Variants in FSTL5 observed in about 807,000 individuals in gnomAD.
FSTL5 encodes the protein follistatin-related protein 5.
Under a neutral mutation model 89.1 loss-of-function variants are expected in FSTL5, and 62 were observed. The observed-to-expected ratio is 0.70, with a 90% CI of 0.57 to 0.86. The LOEUF is 0.86. Ranked by LOEUF, FSTL5 falls within the 40% of genes least tolerant of loss-of-function variation. The pLI, the probability that FSTL5 is intolerant of heterozygous loss-of-function variation, is 0.00. For missense variants in FSTL5, 1,057 were observed against 1,001.6 expected (o/e 1.06, Z -0.75); for synonymous variants, 383 against 346.2 (o/e 1.11, Z -1.18).
chr4:161,489,952 C>T (rs900198216), intron 12 of FSTL5, among the ~76,000 whole-genome samples: 8 of 152,000 alleles, frequency 5.3e-5, no homozygotes, highest in Admixed American at 3.9e-4. Context: ...TTGTAGAATT[C>T]ATTTTCGCAG....
intron 15 of FSTL5, among the ~76,000 whole-genome samples, chr4:161,429,967 G>A (rs1237610870): frequency 6.6e-6 from 1 of 152,104 alleles, no homozygotes; most frequent in African/African-American, 2.4e-5. Context: ...GAGCTGTTTT[G>A]AGGAAACTGA....
chr4:161,946,895 C>A (rs1734750653), intron 3 of FSTL5, among the ~76,000 whole-genome samples: 1 of 152,098 alleles, frequency 6.6e-6, no homozygotes, highest in African/African-American at 2.4e-5. Flanking sequence ...GACTTGCCAT[C>A]TCTTTTGATT....
At chr4:162,002,605 T>C (rs144904952) in intron 3 of FSTL5, among the ~76,000 whole-genome samples, 355 of 152,350 alleles carry the variant, frequency 2.3e-3, no homozygotes, top group African/African-American at 8.1e-3. Context: ...AGAGGAATGC[T>C]AGTTTCTAGT....
chr4:161,854,272 A>G (rs1251694258), intron 4 of FSTL5, among the ~76,000 whole-genome samples: 1 of 152,196 alleles, frequency 6.6e-6, no homozygotes, highest in Non-Finnish European at 1.5e-5. Context: ...CCGTTGCTCA[A>G]TAAAGTATAT....
At chr4:161,616,386 T>A (rs1361809519) in intron 7 of FSTL5, among the ~76,000 whole-genome samples, 1 of 152,158 alleles carries the variant, frequency 6.6e-6, no homozygotes, top group Non-Finnish European at 1.5e-5. Flanking sequence ...GGCTTAGTCT[T>A]CCAGCCTACA....
intron 2 of FSTL5, among the ~76,000 whole-genome samples, chr4:162,060,351 A>T (rs1351652455): frequency 6.6e-6 from 1 of 152,130 alleles, no homozygotes; most frequent in Non-Finnish European, 1.5e-5. Flanking sequence ...TATAAATCAC[A>T]GTATTTCCTT....
intron 4 of FSTL5, among the ~76,000 whole-genome samples, chr4:161,816,893 A>G (rs1483089909): frequency 2.0e-5 from 3 of 152,156 alleles, no homozygotes; most frequent in Admixed American, 6.5e-5. Flanking sequence ...GTGATTTCTT[A>G]TATTTTATGT....
intron 15 of FSTL5, among the ~76,000 whole-genome samples, chr4:161,416,681 A>C (rs1333046645): frequency 6.6e-6 from 1 of 151,520 alleles, no homozygotes; most frequent in Non-Finnish European, 1.5e-5. Flanking sequence ...CATCTCTACA[A>C]AAAATAACAA....
chr4:161,939,634 T>G (rs1160245376), intron 3 of FSTL5, among the ~76,000 whole-genome samples: 2 of 151,898 alleles, frequency 1.3e-5, no homozygotes, highest in African/African-American at 4.8e-5. Context: ...TTGATTTTTG[T>G]TACAAAAGGG....
At chr4:161,791,388 T>A (rs1729468259) in intron 4 of FSTL5, among the ~76,000 whole-genome samples, 1 of 106,752 alleles carries the variant, frequency 9.4e-6, no homozygotes, top group South Asian at 3.4e-4. Context: ...TCAAGTATCT[T>A]AAATTACAGA....
intron 6 of FSTL5, among the ~76,000 whole-genome samples, chr4:161,757,857 G>A (rs1478552178): frequency 6.6e-6 from 1 of 152,038 alleles, no homozygotes; most frequent in Admixed American, 6.6e-5. Context: ...GACCTTAGGT[G>A]ATCCGCCCAC....
chr4:161,948,163 G>A (rs1734787500), intron 3 of FSTL5, among the ~76,000 whole-genome samples: 2 of 151,544 alleles, frequency 1.3e-5, no homozygotes, highest in South Asian at 2.1e-4. Flanking sequence ...TGCACTTATA[G>A]TCCCAGCTAC....
chr4:162,112,979 G>A (rs1015331813), intron 1 of FSTL5, among the ~76,000 whole-genome samples: 1 of 152,054 alleles, frequency 6.6e-6, no homozygotes, highest in Non-Finnish European at 1.5e-5. Flanking sequence ...CAGTCCTTTA[G>A]TAGGTTCAGC....
intron 2 of FSTL5, among the ~76,000 whole-genome samples, chr4:162,084,402 G>T (rs1293010618): frequency 1.3e-5 from 2 of 151,630 alleles, no homozygotes; most frequent in African/African-American, 4.8e-5. Context: ...TTGGAAAAAA[G>T]AAATAAAGAT....
chr4:161,727,178 G>A (rs1053150946), intron 6 of FSTL5, among the ~76,000 whole-genome samples: 2 of 152,156 alleles, frequency 1.3e-5, no homozygotes, highest in Non-Finnish European at 2.9e-5. Flanking sequence ...CCCAGGTGAA[G>A]AATCCTGCTG....
chr4:161,930,638 A>G (rs750326382), intron 3 of FSTL5, among the ~76,000 whole-genome samples: 6 of 151,722 alleles, frequency 4.0e-5, no homozygotes, highest in Non-Finnish European at 4.4e-5. Context: ...TGCTAGTCAC[A>G]TGATCACTCA....
intron 3 of FSTL5, among the ~76,000 whole-genome samples, chr4:161,957,706 T>G (rs570261570): frequency 6.6e-6 from 1 of 152,240 alleles, no homozygotes; most frequent in East Asian, 1.9e-4. Flanking sequence ...TTCTTCTTTT[T>G]GTTTTAATTT....
At chr4:161,732,777 T>C (rs2126763768) in intron 6 of FSTL5, among the ~76,000 whole-genome samples, 1 of 152,106 alleles carries the variant, frequency 6.6e-6, no homozygotes, top group Middle Eastern at 3.4e-3. Context: ...TTATATGGTC[T>C]TCACACTTTT....
intron 7 of FSTL5, among the ~76,000 whole-genome samples, chr4:161,637,781 T>C (rs373635367): frequency 0.011 from 1,243 of 114,706 alleles, 5 homozygotes; most frequent in African/African-American, 0.048. Flanking sequence ...TGTAGATATG[T>C]GGCATTATTT....
Sources: allele counts gnomAD v4.1 joint callset (sites outside exome capture counted in the v4.1 genomes callset), GRCh38; gene constraint gnomAD v4.1.1; transcripts MANE v1.5; gene names NCBI Gene and HGNC (gene_info 2026-07-23, HGNC 2026-07-21).